Variants in NCOA3 observed in about 807,000 individuals in gnomAD.
The protein encoded by NCOA3 is nuclear receptor coactivator 3.
Under a neutral mutation model 158.8 loss-of-function variants are expected in NCOA3, and 51 were observed. That is an observed-to-expected ratio of 0.32 (90% CI 0.26 to 0.41). The LOEUF (loss-of-function observed/expected upper bound fraction) is 0.41. Among genes scored for constraint, NCOA3 ranks in the 10% least tolerant of loss-of-function variants. NCOA3 has a pLI of 1.00. For missense variants in NCOA3, 1,510 were observed against 1,746.6 expected, an observed-to-expected ratio of 0.86 and a Z score of 2.41; for synonymous variants, 537 against 592.4, an observed-to-expected ratio of 0.91 and a Z score of 1.36.
chr20:47,569,884 C>T (rs1328461472), intron 1 of NCOA3, among the ~76,000 whole-genome samples: 3 of 151,788 alleles, frequency 2.0e-5, no homozygotes, highest in Non-Finnish European at 4.4e-5. Flanking sequence ...GCGGCGGGTG[C>T]CTGTAGTCCC....
chr20:47,542,009 G>GTTTTTTTTTT lies in NCOA3; in HGVS notation c.-99+40002_-99+40011dup, dbSNP rs755173294. ...ATCAAATTATTTTTTGCCCTGTAGA[G>GTTTTTTTTTT]TTTTTTTTTTTTTTTTTTTTTGTTG... On this transcript the variant is annotated intron_variant, in intron 1 of 22. Coordinates refer to ENST00000371998, the MANE Select transcript of NCOA3 (RefSeq NM_181659.3). 2.8e-3 allele frequency among the ~76,000 whole-genome samples: 157 copies of GTTTTTTTTTT among 56,328 alleles called. 3 individuals carry two copies. Among genetic ancestry groups the GTTTTTTTTTT allele is most frequent in the Middle Eastern group, 0.022 (1 of 46 alleles). 37.0% of individuals were successfully genotyped at this position (56,328 alleles called of 152,430 possible).
intron 1 of NCOA3, among the ~76,000 whole-genome samples, chr20:47,530,767 C>G (rs1194866753): frequency 6.6e-6 from 1 of 152,074 alleles, no homozygotes; most frequent in Non-Finnish European, 1.5e-5. Context: ...GCCTGGCCAA[C>G]AATTTTAACT....
rs190218723 is a variant in NCOA3, at chr20:47,568,985, C to T, written c.-98-14198C>T. 4.0e-3 allele frequency among the ~76,000 whole-genome samples: 603 copies of T among 149,486 alleles called. 4 individuals are homozygous for T. Among genetic ancestry groups the T allele is most frequent in the Non-Finnish European group, 7.3e-3 (494 of 67,568 alleles). ...TTTTTTTTTTTGAGGCAGAGTTTTGCTCTGTTGCCCAGGCTGGAGTGCAGG... is the reference window on the plus strand; with the variant it reads ...TTTTTTTTTTTGAGGCAGAGTTTTGTTCTGTTGCCCAGGCTGGAGTGCAGG... On this transcript the variant is annotated intron_variant, in intron 1 of 22. Coordinates refer to ENST00000371998, the MANE Select transcript of NCOA3 (RefSeq NM_181659.3).
intron 17 of NCOA3, among the ~76,000 whole-genome samples, chr20:47,643,609 CCT>C (rs113676033): frequency 5.5e-4 from 83 of 152,254 alleles, no homozygotes; most frequent in Middle Eastern, 3.4e-3. Context: ...TCACTATTCC[CCT>C]GTGTTGGACT....
chr20:47,656,695 C>G lies in NCOA3; in HGVS notation c.*3278C>G, dbSNP rs1257130537. On this transcript the variant is annotated 3_prime_UTR_variant, in exon 23 of 23. Coordinates refer to ENST00000371998, the MANE Select transcript of NCOA3 (RefSeq NM_181659.3). ...TTAAATTCTCAGGAATTGACTTATA[C>G]TCTTGAGAATGAATTCAGTTTCAAT... is the stretch of plus-strand genomic sequence containing the variant. The G allele has an allele frequency of 2.6e-5, 4 of 152,504 alleles. No homozygotes were observed. Among genetic ancestry groups the G allele is most frequent in the African/African-American group, 9.7e-5 (4 of 41,396 alleles). 9.4% of individuals were successfully genotyped at this position (152,504 alleles called of 1,614,324 possible). A position where few individuals can be genotyped will look rare whatever the true frequency, so the allele number is the denominator to read the frequency against.
At chr20:47,555,751 G>A (rs1255591860) in intron 1 of NCOA3, among the ~76,000 whole-genome samples, 33 of 144,040 alleles carry the variant, frequency 2.3e-4, no homozygotes, top group African/African-American at 8.6e-4. Context: ...CCATTCTCCT[G>A]CCTCAGCCTC....
At chr20:47,533,716 C>T (rs945066080) in intron 1 of NCOA3, among the ~76,000 whole-genome samples, 7 of 151,998 alleles carry the variant, frequency 4.6e-5, no homozygotes, top group African/African-American at 1.7e-4. Flanking sequence ...ATTTCTTGAG[C>T]CCAGGAGTTT....
intron 2 of NCOA3, among the ~76,000 whole-genome samples, chr20:47,621,747 C>T (rs965644821): frequency 2.7e-5 from 4 of 149,636 alleles, no homozygotes; most frequent in Non-Finnish European, 4.4e-5. Context: ...GTCTACCCCT[C>T]GGTTCAAGTG....
chr20:47,600,320 G>A (rs971638802), intron 2 of NCOA3, among the ~76,000 whole-genome samples: 24 of 151,426 alleles, frequency 1.6e-4, no homozygotes, highest in African/African-American at 3.6e-4. Flanking sequence ...GACTACAGGC[G>A]CCCACCACCA....
At chr20:47,613,884 C>T (rs953129888) in intron 2 of NCOA3, among the ~76,000 whole-genome samples, 12 of 149,932 alleles carry the variant, frequency 8.0e-5, no homozygotes, top group Middle Eastern at 3.4e-3. Context: ...CTAGCCTGGG[C>T]GACAGAGCAA....
chr20:47,623,871 T>G, intron 3 of NCOA3, 40 bp from the exon 4 acceptor site: 1 of 1,568,694 alleles, frequency 6.4e-7, no homozygotes, highest in Non-Finnish European at 8.7e-7. Context: ...GATATATATA[T>G]TATGTCTCCT....
intron 1 of NCOA3, among the ~76,000 whole-genome samples, chr20:47,535,503 A>G (rs2084617577): frequency 1.3e-5 from 2 of 150,816 alleles, no homozygotes; most frequent in African/African-American, 4.9e-5. Flanking sequence ...GAATGAGTGC[A>G]AGGTTTTTTT....
Position 47,654,636 on chromosome 20 carries a change from T to C in NCOA3, c.*1219T>C, listed in dbSNP as rs1038191981. On this transcript the variant is annotated 3_prime_UTR_variant, in exon 23 of 23. Transcript: ENST00000371998. Reference sequence around the variant, plus strand: ...TGCCTCGCTCTTTTCAATCTCTTAATCTAAATGCTTTTTAAAGAGATTATT... The same window carrying C: ...TGCCTCGCTCTTTTCAATCTCTTAACCTAAATGCTTTTTAAAGAGATTATT... 6.6e-6 allele frequency: 1 copy of C among 152,562 alleles called. No individual in the cohort carries two copies. Among genetic ancestry groups the C allele is most frequent in the Non-Finnish European group, 1.5e-5 (1 of 68,044 alleles). 9.5% of individuals were successfully genotyped at this position (152,562 alleles called of 1,614,324 possible).
intron 10 of NCOA3, 67 bp from the exon 11 acceptor site, chr20:47,635,255 A>T: frequency 6.9e-7 from 1 of 1,441,792 alleles, no homozygotes. Flanking sequence ...ATTTTATTTT[A>T]AATCTGATTA....
intron 1 of NCOA3, among the ~76,000 whole-genome samples, chr20:47,582,647 A>G (rs549335432): frequency 6.6e-6 from 1 of 152,314 alleles, no homozygotes; most frequent in Admixed American, 6.5e-5. Context: ...GATTATAGGC[A>G]TGAGCCACTG....
chr20:47,520,853 G>T (rs2084319910), intron 1 of NCOA3, among the ~76,000 whole-genome samples: 1 of 152,304 alleles, frequency 6.6e-6, no homozygotes, highest in Non-Finnish European at 1.5e-5. Context: ...TGGTGTGCTG[G>T]TATAAATCCC....
At chr20:47,577,844 T>C (rs915003072) in intron 1 of NCOA3, among the ~76,000 whole-genome samples, 1 of 152,236 alleles carries the variant, frequency 6.6e-6, no homozygotes, top group African/African-American at 2.4e-5. Flanking sequence ...GCTGATTCCG[T>C]ATAGAACTAA....
chr20:47,566,647 G>C (rs1659909570), intron 1 of NCOA3, among the ~76,000 whole-genome samples: 1 of 152,050 alleles, frequency 6.6e-6, no homozygotes, highest in Admixed American at 6.5e-5. Context: ...GAATAGCTGG[G>C]ACCACAGGCA....
chr20:47,514,292 C>T (rs1030533460), intron 1 of NCOA3, among the ~76,000 whole-genome samples: 3 of 151,796 alleles, frequency 2.0e-5, no homozygotes, highest in South Asian at 2.1e-4. Flanking sequence ...AACAGTTCTT[C>T]ATAACCCAAT....
Sources: gnomAD v4.1 joint callset for allele counts (sites outside exome capture counted in the v4.1 genomes callset) on GRCh38, gnomAD v4.1.1 for gene constraint, MANE v1.5 for transcripts, NCBI Gene and HGNC (gene_info 2026-07-23, HGNC 2026-07-21) for gene names.